The following DAB1 variants were observed in gnomAD, a reference collection of about 807,000 sequenced individuals.
The protein encoded by DAB1 is disabled homolog 1.
Under a neutral mutation model 64.6 loss-of-function variants are expected in DAB1, and 15 were observed. That is an observed-to-expected ratio of 0.23 (90% confidence interval 0.16 to 0.36). The LOEUF (loss-of-function observed/expected upper bound fraction) is 0.36. Among genes scored for constraint, DAB1 ranks in the 10% least tolerant of loss-of-function variants. The probability of loss-of-function intolerance (pLI) is 1.00; values close to 1 mark genes in which losing one functional copy is unlikely to be tolerated. For synonymous variants in DAB1, 235 were observed against 251.9 expected (o/e 0.93, Z 0.64); for missense variants, 596 against 706.7 (o/e 0.84, Z 1.78).
At chr1:58,536,972 T>G (rs1281966410) in intron 1 of DAB1, among the ~76,000 whole-genome samples, 1 of 152,122 alleles carries the variant, frequency 6.6e-6, no homozygotes, top group Non-Finnish European at 1.5e-5. Context: ...ATTTTCTTCT[T>G]CAGCTATTTT....
chr1:57,610,511 T>C (rs1645712940), intron 7 of DAB1, among the ~76,000 whole-genome samples: 1 of 152,166 alleles, frequency 6.6e-6, no homozygotes, highest in Non-Finnish European at 1.5e-5. Flanking sequence ...AACCTAGGCT[T>C]TTAACCAAAA....
chr1:57,010,068 C>T (rs1188075369), intron 14 of DAB1, among the ~76,000 whole-genome samples: 4 of 152,176 alleles, frequency 2.6e-5, no homozygotes, highest in Non-Finnish European at 4.4e-5. Context: ...TCTTACATCT[C>T]GATCAATCTT....
At chr1:57,654,432 A>C (rs774512671) in intron 6 of DAB1, among the ~76,000 whole-genome samples, 1 of 152,244 alleles carries the variant, frequency 6.6e-6, no homozygotes, top group African/African-American at 2.4e-5. Context: ...GACCCTAAGT[A>C]GAGGAAAGAT....
At chr1:57,684,927 A>C (rs1457321893) in intron 6 of DAB1, among the ~76,000 whole-genome samples, 2 of 150,880 alleles carry the variant, frequency 1.3e-5, no homozygotes, top group East Asian at 3.9e-4. Flanking sequence ...TGGAAAACAA[A>C]AAAACAGCAG....
intron 1 of DAB1, chr1:57,862,918 C>T (rs951112414): frequency 1.3e-5 from 2 of 152,066 alleles, no homozygotes; most frequent in Non-Finnish European, 2.9e-5. Flanking sequence ...ACCAGCAATC[C>T]CACTTCCAGG....
chr1:57,069,497 T>G, intron 7 of DAB1, 72 bp from the exon 8 acceptor site: 1 of 1,299,146 alleles, frequency 7.7e-7, no homozygotes, highest in Admixed American at 1.7e-5. Context: ...CATTTGGAAA[T>G]TAAGATACAA....
At chr1:58,085,131 G>A (rs939680847) in intron 5 of DAB1, among the ~76,000 whole-genome samples, 7 of 152,150 alleles carry the variant, frequency 4.6e-5, no homozygotes, top group African/African-American at 1.7e-4. Context: ...ATGTTGGCTT[G>A]TGACATTGTC....
intron 7 of DAB1, among the ~76,000 whole-genome samples, chr1:57,479,711 C>A (rs1036376421): frequency 6.6e-6 from 1 of 151,972 alleles, no homozygotes; most frequent in Non-Finnish European, 1.5e-5. Context: ...ACTTAAATAG[C>A]TGGGGGCTGG....
intron 5 of DAB1, among the ~76,000 whole-genome samples, chr1:57,955,604 A>G (rs1240026279): frequency 1.3e-5 from 2 of 152,134 alleles, no homozygotes; most frequent in Non-Finnish European, 2.9e-5. Flanking sequence ...ATAATACGAT[A>G]TGCTTTTTAC....
At chr1:57,828,495 G>T (rs923813194) in intron 1 of DAB1, among the ~76,000 whole-genome samples, 1 of 151,970 alleles carries the variant, frequency 6.6e-6, no homozygotes, top group Non-Finnish European at 1.5e-5. Flanking sequence ...CTTTTCCCCT[G>T]TTCCAGTGAT....
intron 6 of DAB1, among the ~76,000 whole-genome samples, chr1:57,664,087 C>G (rs1209056346): frequency 6.6e-6 from 1 of 152,102 alleles, no homozygotes; most frequent in African/African-American, 2.4e-5. Context: ...AAGCTGTTTC[C>G]TCTTCCACTA....
rs767242823 is a variant in DAB1, at chr1:58,133,588, T to C, written n.387+16923A>G. ...AGAGTATACTAAATGTTTCTTTCAC[T>C]GATTCATTTATTTAGCAATTGATCA... On this transcript the variant is annotated intron_variant and non_coding_transcript_variant, in intron 5 of 20. Transcript: ENST00000485760. Among the ~76,000 whole-genome samples the C allele has an allele frequency of 3.1e-4, 47 of 152,352 alleles. No homozygotes were observed. The Middle Eastern group carries it at 0.017, about 55-fold the overall frequency.
intron 7 of DAB1, among the ~76,000 whole-genome samples, chr1:57,634,035 A>G (rs1539053): frequency 0.49 from 74,992 of 152,080 alleles, 19,230 homozygotes; most frequent in East Asian, 0.69. Context: ...ATCCTGGACC[A>G]TGGGGTTAAT....
intron 5 of DAB1, among the ~76,000 whole-genome samples, chr1:57,894,571 T>C (rs1644365884): frequency 6.6e-6 from 1 of 152,186 alleles, no homozygotes; most frequent in Admixed American, 6.5e-5. Flanking sequence ...AGGAAGCCGA[T>C]GTGCTTGACA....
At chr1:57,851,804 T>A (rs1404862314) in intron 1 of DAB1, among the ~76,000 whole-genome samples, 3 of 152,200 alleles carry the variant, frequency 2.0e-5, no homozygotes, top group Non-Finnish European at 4.4e-5. Context: ...TTTCTCTGGT[T>A]GTATCTCTTG....
chr1:57,169,380 T>G (rs1371780286), intron 2 of DAB1, among the ~76,000 whole-genome samples: 2 of 152,230 alleles, frequency 1.3e-5, no homozygotes, highest in East Asian at 3.8e-4. Context: ...GATCCCATAA[T>G]GTAGTCACTG....
intron 2 of DAB1, among the ~76,000 whole-genome samples, chr1:57,260,669 C>A (rs1670116434): frequency 6.6e-6 from 1 of 152,164 alleles, no homozygotes; most frequent in Non-Finnish European, 1.5e-5. Context: ...ACAGATAAGG[C>A]AACTGAGGCA....
chr1:58,318,121 G>A (rs1056924684), intron 4 of DAB1, among the ~76,000 whole-genome samples: 1 of 152,198 alleles, frequency 6.6e-6, no homozygotes, highest in African/African-American at 2.4e-5. Flanking sequence ...AGATTGTGTG[G>A]CTCAGACCAT....
At chr1:58,005,021 T>G (rs1309218563) in intron 5 of DAB1, among the ~76,000 whole-genome samples, 1 of 152,122 alleles carries the variant, frequency 6.6e-6, no homozygotes, top group Non-Finnish European at 1.5e-5. Context: ...GTTTTCCAGA[T>G]AAGAAAACAG....
Sources: allele counts gnomAD v4.1 joint callset (sites outside exome capture counted in the v4.1 genomes callset), GRCh38; gene constraint gnomAD v4.1.1; transcripts MANE v1.5; gene names NCBI Gene and HGNC (gene_info 2026-07-23, HGNC 2026-07-21).